The following PMS1 variants were observed in gnomAD, a reference collection of about 807,000 sequenced individuals.
The protein encoded by PMS1 is PMS1 homolog 1, mismatch repair system component.
A neutral mutation model predicts 93.1 loss-of-function variants in PMS1; 79 were observed. The ratio of observed to expected loss-of-function variants is 0.85; its 90% CI spans 0.71 to 1.02. The LOEUF (loss-of-function observed/expected upper bound fraction) is 1.02, where lower values mean the gene tolerates loss of function less well. Among genes scored for constraint, PMS1 ranks in the 50% least tolerant of loss-of-function variants. PMS1 has a pLI of 0.00. For missense variants in PMS1, 1,064 were observed against 1,085.3 expected, an observed-to-expected ratio of 0.98 and a Z score of 0.28; for synonymous variants, 335 against 363.4, an observed-to-expected ratio of 0.92 and a Z score of 0.89.
At chr2:189,809,191 A>G (rs1222399464) in intron 4 of PMS1, among the ~76,000 whole-genome samples, 2 of 152,196 alleles carry the variant, frequency 1.3e-5, no homozygotes, top group Non-Finnish European at 2.9e-5. Flanking sequence ...ATTTTAAGAA[A>G]ACTTTCTGAT....
intron 3 of PMS1, among the ~76,000 whole-genome samples, chr2:189,801,456 G>C (rs2049881290): frequency 1.3e-5 from 2 of 152,072 alleles, no homozygotes; most frequent in South Asian, 4.1e-4. Context: ...TATAAAGATT[G>C]TGTATATTAT....
chr2:189,864,008 A>C lies in PMS1; in HGVS notation c.2122A>C (p.Ile708Leu). ...QIPFSMKNLK[I>L]NFKKQNKVDL... ...CCCCTTTTCTATGAAAAACTTAAAAATAAATTTTAAGAAACAAAACAAAGT... is the reference window on the plus strand; with the variant it reads ...CCCCTTTTCTATGAAAAACTTAAAACTAAATTTTAAGAAACAAAACAAAGT... Residue 708 changes from isoleucine to leucine, a missense_variant, in exon 10 of 13, where the codon ATA becomes CTA. By Grantham distance (5) the Ile-to-Leu change is conservative (BLOSUM62 2). Coordinates refer to ENST00000441310, the MANE Select transcript of PMS1 (RefSeq NM_000534.5). 1 of 1,607,318 alleles carries C rather than the reference A, an allele frequency of 6.2e-7. No individual in the cohort carries two copies. The highest frequency in any genetic ancestry group is 8.5e-7 in the Non-Finnish European group (1 of 1,174,900).
intron 5 of PMS1, among the ~76,000 whole-genome samples, chr2:189,820,414 C>T (rs374380870): frequency 5.3e-5 from 8 of 152,270 alleles, no homozygotes; most frequent in African/African-American, 1.9e-4. Context: ...CCTTCCACCT[C>T]AGCCTCCTGA....
chr2:189,864,870 T>C (rs981854692), intron 10 of PMS1, among the ~76,000 whole-genome samples: 1 of 150,224 alleles, frequency 6.7e-6, no homozygotes, highest in African/African-American at 2.4e-5. Context: ...TGAAGTTAGA[T>C]TGCCATGTCT....
At chr2:189,786,923 G>A (rs1033887686) in intron 1 of PMS1, among the ~76,000 whole-genome samples, 8 of 152,008 alleles carry the variant, frequency 5.3e-5, no homozygotes, top group Non-Finnish European at 1.2e-4. Context: ...TGTGGTGGCG[G>A]GCACCTGTAA....
rs749800455 is a variant in PMS1 at position 189,867,841 on chromosome 2, G to A, written c.2385G>A (p.Met795Ile). The A allele has an allele frequency of 6.3e-7, 1 of 1,576,920 alleles. No homozygotes were observed. The highest frequency in any genetic ancestry group is 1.3e-5 in the African/African-American group (1 of 74,244). Residue 795 changes from methionine (M) to isoleucine (I), a missense_variant, in exon 11 of 13, where the codon ATG (methionine) becomes ATA (isoleucine). Physicochemically the swap from Met to Ile is conservative, Grantham distance 10. Coordinates refer to ENST00000441310, the MANE Select transcript of PMS1 (RefSeq NM_000534.5). ...ATTATTTAGACGTTTTATATAAAAT[G>A]ACAGCAGATGACCAAAGATACAGTG... ...GSHYLDVLYK[M>I]TADDQRYSGS...
chr2:189,804,608 A>G (rs2106271924), intron 3 of PMS1, among the ~76,000 whole-genome samples: 1 of 152,244 alleles, frequency 6.6e-6, no homozygotes, highest in South Asian at 2.1e-4. Flanking sequence ...GCATGCTACC[A>G]ACATGTTCCA....
intron 4 of PMS1, among the ~76,000 whole-genome samples, chr2:189,814,443 TC>T (rs1279959967): frequency 2.0e-5 from 3 of 152,180 alleles, no homozygotes; most frequent in African/African-American, 7.2e-5. Flanking sequence ...AAAAATCTTT[TC>T]CCCCCAATCT....
intron 7 of PMS1, 100 bp downstream of exon 7, chr2:189,852,877 A>G (rs1271334408): frequency 1.3e-6 from 1 of 762,514 alleles, no homozygotes; most frequent in African/African-American, 1.8e-5. Context: ...AAAAAAAGAA[A>G]TACAATGTCA....
At position 189,821,999 on chromosome 2, in the gene PMS1, GA is replaced by G. The variant is rs1385330197; in HGVS notation, c.582+3822del. Among the ~76,000 whole-genome samples, 3 of 152,242 alleles carry G rather than the reference GA, an allele frequency of 2.0e-5. No homozygotes were observed. The East Asian group carries it at 5.8e-4, about 29-fold the overall frequency. On this transcript the variant is annotated intron_variant, in intron 5 of 12. Transcript: ENST00000441310. ...ATTATCAATGTGGGTATTTTCTTTA[GA>G]AATTGGAAAGCAGGCGCCCCGCCAC...
chr2:189,856,917 C>T (rs945384626), intron 9 of PMS1, among the ~76,000 whole-genome samples: 9 of 152,006 alleles, frequency 5.9e-5, no homozygotes, highest in Non-Finnish European at 1.0e-4. Flanking sequence ...CATCAATTAC[C>T]GGAATATTCC....
chr2:189,825,053 A>G (rs1042248976), intron 5 of PMS1, among the ~76,000 whole-genome samples: 1 of 152,156 alleles, frequency 6.6e-6, no homozygotes, highest in African/African-American at 2.4e-5. Context: ...GAGACAAACA[A>G]TCATATTGCG....
chr2:189,828,694 T>C (rs2052658587), intron 5 of PMS1, among the ~76,000 whole-genome samples: 1 of 152,194 alleles, frequency 6.6e-6, no homozygotes, highest in African/African-American at 2.4e-5. Flanking sequence ...TTCACTGTAA[T>C]AAATAAGCTC....
chr2:189,844,978 C>T (rs1161556480), intron 6 of PMS1, among the ~76,000 whole-genome samples: 2 of 152,006 alleles, frequency 1.3e-5, no homozygotes, highest in Admixed American at 1.3e-4. Flanking sequence ...ATGCCTCAGC[C>T]TCCCTAGTAG....
chr2:189,804,232 G>A (rs994368857), intron 3 of PMS1, among the ~76,000 whole-genome samples: 1 of 152,128 alleles, frequency 6.6e-6, no homozygotes. Context: ...TTGGAGTAGA[G>A]AAATAGAATT....
chr2:189,799,625 G>A (rs921518550), intron 3 of PMS1, among the ~76,000 whole-genome samples: 2 of 152,216 alleles, frequency 1.3e-5, no homozygotes, highest in Admixed American at 1.3e-4. Context: ...GAGCTAGCTG[G>A]AAGGAACTTT....
In PMS1 at chr2:189,792,255, A is replaced by AT. The variant is rs530793909; in HGVS notation, c.132+320dup. On this transcript the variant is annotated intron_variant, in intron 2 of 12. Coordinates refer to ENST00000441310, the MANE Select transcript of PMS1 (RefSeq NM_000534.5). ...TTTTAGGGATTTACTTTTGCATTTT[A>AT]TTTTTTCCATCTAATCTAATTTCAA... Among the ~76,000 whole-genome samples, 8 of 152,088 alleles carry AT rather than the reference A, an allele frequency of 5.3e-5. No individual in the cohort carries two copies. In the South Asian group the frequency reaches 1.7e-3, roughly 32 times the overall value.
At chr2:189,789,919 AC>A (rs1358241278) in intron 1 of PMS1, among the ~76,000 whole-genome samples, 1 of 151,754 alleles carries the variant, frequency 6.6e-6, no homozygotes, top group East Asian at 1.9e-4. Flanking sequence ...TGCAAAAAGC[AC>A]CCCCCTCCCT....
Position 189,864,685 on chromosome 2 carries a change from AAAATATATATATATATATATATAT to A in PMS1, c.2342+459_2342+482del, listed in dbSNP as rs1559324515. 8.4e-4 allele frequency among the ~76,000 whole-genome samples: 28 copies of A among 33,470 alleles called. 1 individual carries two copies. The highest frequency in any genetic ancestry group is 7.1e-3 in the East Asian group (10 of 1,414). The allele number at this position is 33,470 out of a possible 152,430, so 22.0% of individuals were successfully genotyped here. A position where few individuals can be genotyped will look rare whatever the true frequency, so the allele number is the denominator to read the frequency against. ...AAAAAAAAAAAAAAAAAAAAAAAAA[AAAATATATATATATATATATATAT>A]ATATATATATATATATATATATATA... On this transcript the variant is annotated intron_variant, in intron 10 of 12. Transcript: ENST00000441310.
Sources: gnomAD v4.1 joint callset for allele counts (sites outside exome capture counted in the v4.1 genomes callset) on GRCh38, gnomAD v4.1.1 for gene constraint, MANE v1.5 for transcripts, NCBI Gene and HGNC (gene_info 2026-07-23, HGNC 2026-07-21) for gene names.